Variants in MIPOL1 observed in about 807,000 individuals in gnomAD.
MIPOL1 encodes mirror-image polydactyly gene 1 protein.
MIPOL1 carries 57 observed loss-of-function variants against 60.9 expected under a neutral mutation model. The ratio of observed to expected loss-of-function variants is 0.94; its 90% CI spans 0.76 to 1.17. MIPOL1 has a LOEUF of 1.17. MIPOL1 is among the 50% of genes most tolerant of loss of function. The pLI, the probability that MIPOL1 is intolerant of heterozygous loss-of-function variation, is 0.00. For synonymous variants in MIPOL1, 179 were observed against 168.8 expected, an observed-to-expected ratio of 1.06 and a Z score of -0.47; for missense variants, 551 against 511.6, an observed-to-expected ratio of 1.08 and a Z score of -0.74.
chr14:37,357,807 G>T (rs375218973), intron 9 of MIPOL1, among the ~76,000 whole-genome samples: 1 of 151,906 alleles, frequency 6.6e-6, no homozygotes, highest in Non-Finnish European at 1.5e-5. Flanking sequence ...GCCTGTGCTT[G>T]TGGGGTATTG....
chr14:37,254,634 G>C (rs1268387009), intron 3 of MIPOL1, among the ~76,000 whole-genome samples: 5 of 151,612 alleles, frequency 3.3e-5, no homozygotes, highest in Non-Finnish European at 7.4e-5. Context: ...TAAATTCTTA[G>C]TAGGGGGAAA....
At chr14:37,454,660 A>G (rs2094457309) in intron 11 of MIPOL1, among the ~76,000 whole-genome samples, 1 of 152,206 alleles carries the variant, frequency 6.6e-6, no homozygotes, top group Non-Finnish European at 1.5e-5. Context: ...ATAAAAACAG[A>G]ATGAAAATAT....
chr14:37,229,332 G>C (rs540559538), intron 1 of MIPOL1, among the ~76,000 whole-genome samples: 121 of 152,152 alleles, frequency 8.0e-4, no homozygotes, highest in African/African-American at 2.8e-3. Context: ...TTTTTGTAGA[G>C]ACGAGATTTT....
intron 9 of MIPOL1, among the ~76,000 whole-genome samples, chr14:37,312,850 A>G (rs1330975574): frequency 6.6e-6 from 1 of 152,180 alleles, no homozygotes; most frequent in African/African-American, 2.4e-5. Context: ...TTGTAGAAAT[A>G]TCTGGAATCA....
intron 3 of MIPOL1, among the ~76,000 whole-genome samples, chr14:37,264,339 TG>T (rs1426924444): frequency 1.3e-5 from 2 of 151,288 alleles, no homozygotes; most frequent in African/African-American, 2.4e-5. Flanking sequence ...AAAAAAAAAT[TG>T]TAAGGTCAGG....
At chr14:37,388,441 A>G (rs1236963011) in intron 10 of MIPOL1, among the ~76,000 whole-genome samples, 1 of 151,566 alleles carries the variant, frequency 6.6e-6, no homozygotes, top group Admixed American at 6.6e-5. Flanking sequence ...TGAAAAGACC[A>G]AGGACAGGGC....
intron 7 of MIPOL1, among the ~76,000 whole-genome samples, chr14:37,302,072 A>G (rs1333805158): frequency 1.4e-5 from 2 of 139,704 alleles, no homozygotes; most frequent in Non-Finnish European, 3.1e-5. Flanking sequence ...ATTCACATAC[A>G]GGTTTTTGTC....
chr14:37,414,857 T>C (rs1284867653), intron 10 of MIPOL1, among the ~76,000 whole-genome samples: 3 of 152,108 alleles, frequency 2.0e-5, no homozygotes, highest in Non-Finnish European at 2.9e-5. Context: ...CTGAGAATAG[T>C]GTCTTAAAAA....
At chr14:37,452,032 G>GT (rs2094428224) in intron 11 of MIPOL1, among the ~76,000 whole-genome samples, 2 of 151,362 alleles carry the variant, frequency 1.3e-5, no homozygotes, top group South Asian at 4.2e-4. Context: ...AGCCAGGATG[G>GT]TCTCGATCTC....
intron 11 of MIPOL1, among the ~76,000 whole-genome samples, chr14:37,497,383 C>G (rs1023594360): frequency 6.6e-6 from 1 of 152,156 alleles, no homozygotes; most frequent in African/African-American, 2.4e-5. Flanking sequence ...AATTCCCAAA[C>G]GAAGCTGTCT....
In MIPOL1 at chr14:37,530,008, A is replaced by G. The variant is rs192790762; in HGVS notation, c.1263-16897A>G. On this transcript the variant is annotated intron_variant, in intron 12 of 12. Coordinates refer to ENST00000684589, the MANE Select transcript of MIPOL1 (RefSeq NM_001388067.1). ...GCATCAATCTCTCACTTAGCATTGG[A>G]AGATTTATTAAATCAGGTTGGTGTT... 1.1e-3 allele frequency among the ~76,000 whole-genome samples: 173 copies of G among 152,342 alleles called. 1 individual carries two copies. Among genetic ancestry groups the G allele is most frequent in the African/African-American group, 3.9e-3 (164 of 41,576 alleles).
intron 1 of MIPOL1, among the ~76,000 whole-genome samples, chr14:37,233,446 A>G (rs1013145116): frequency 2.0e-5 from 3 of 152,234 alleles, no homozygotes; most frequent in South Asian, 2.1e-4. Context: ...ATTTCTCAAC[A>G]TAAGTGTCAT....
chr14:37,479,167 G>A (rs937494183), intron 11 of MIPOL1, among the ~76,000 whole-genome samples: 2 of 151,816 alleles, frequency 1.3e-5, no homozygotes, highest in Admixed American at 6.6e-5. Flanking sequence ...ATAAAATATT[G>A]GACATGAACA....
chr14:37,285,554 C>T (rs1284197583), intron 7 of MIPOL1, 107 bp downstream of exon 7: 3 of 1,078,984 alleles, frequency 2.8e-6, no homozygotes, highest in African/African-American at 1.6e-5. Flanking sequence ...ATGTGTTACA[C>T]TAGGAAATTG....
chr14:37,480,884 A>G (rs1220494932), intron 11 of MIPOL1, among the ~76,000 whole-genome samples: 1 of 152,242 alleles, frequency 6.6e-6, no homozygotes, highest in Non-Finnish European at 1.5e-5. Flanking sequence ...CATGTCTGTA[A>G]TACCAGCACT....
At chr14:37,200,844 CTATCTATGTGTG>C (rs1264562264) in intron 1 of MIPOL1, among the ~76,000 whole-genome samples, 9 of 119,142 alleles carry the variant, frequency 7.6e-5, no homozygotes, top group African/African-American at 2.6e-4. Flanking sequence ...AATACTATAT[CTATCTATGTGTG>C]TGTGTGTGTG....
intron 10 of MIPOL1, among the ~76,000 whole-genome samples, chr14:37,383,292 T>G (rs559083536): frequency 1.3e-5 from 2 of 152,032 alleles, no homozygotes; most frequent in Admixed American, 1.3e-4. Context: ...ACTTGCTATT[T>G]TAGGTTTAAG....
intron 9 of MIPOL1, among the ~76,000 whole-genome samples, chr14:37,338,056 A>G (rs2090307998): frequency 6.6e-6 from 1 of 150,856 alleles, no homozygotes; most frequent in African/African-American, 2.4e-5. Context: ...TACAAAAGGC[A>G]TCCAACTTCA....
At chr14:37,281,041 T>C (rs2084064106) in intron 6 of MIPOL1, among the ~76,000 whole-genome samples, 3 of 152,212 alleles carry the variant, frequency 2.0e-5, no homozygotes. Flanking sequence ...TTTTTTACTT[T>C]CACTGCCTGT....
Sources: allele counts gnomAD v4.1 joint callset (sites outside exome capture counted in the v4.1 genomes callset), GRCh38; gene constraint gnomAD v4.1.1; transcripts MANE v1.5; gene names NCBI Gene and HGNC (gene_info 2026-07-23, HGNC 2026-07-21).